The following FBXO7 variants were observed in gnomAD, a reference collection of about 807,000 sequenced individuals.
FBXO7 encodes F-box protein 7, also known as F-box only protein 7.
A neutral mutation model predicts 50.2 loss-of-function variants in FBXO7; 31 were observed. That is an observed-to-expected ratio of 0.62 (90% CI 0.46 to 0.83). The LOEUF is 0.83. Among genes scored for constraint, FBXO7 ranks in the 40% least tolerant of loss-of-function variants. The pLI is 0.00. For missense variants in FBXO7, 667 were observed against 646.6 expected (o/e 1.03, Z -0.34); for synonymous variants, 256 against 253.1 (o/e 1.01, Z -0.11).
At chr22:32,492,783 A>G in intron 6 of FBXO7, 1 of 313,550 alleles carries the variant, frequency 3.2e-6, no homozygotes, top group Admixed American at 4.7e-5. Flanking sequence ...ATTTTGTTGT[A>G]TTGAATAATG....
At position 32,498,308 on chromosome 22, in the gene FBXO7, C is replaced by T. The variant is rs1330678628; in HGVS notation, c.1347C>T (p.Asp449=). The T allele has an allele frequency of 3.1e-6, 5 of 1,614,036 alleles. No individual in the cohort carries two copies. The highest frequency in any genetic ancestry group is 1.1e-5 in the South Asian group (1 of 91,082). The stretch of plus-strand genomic sequence containing the variant: ...CAGGAATTATCGGGGGTGAATATGA[C>T]CAAAGACCAACACTTCCCTATGTTG... ...LPPGIIGGEY[D]QRPTLPYVGD... The change falls in exon 9 of 9, where the codon GAC becomes GAT. Residue 449 remains aspartate (D), a synonymous_variant. Transcript: ENST00000266087.
At chr22:32,479,521 C>G (rs751714383) in intron 2 of FBXO7, among the ~76,000 whole-genome samples, 1 of 151,730 alleles carries the variant, frequency 6.6e-6, no homozygotes, top group Admixed American at 6.6e-5. Flanking sequence ...CTCAGCCTCC[C>G]GAGTAGCTGG....
intron 4 of FBXO7, chr22:32,487,522 T>A (rs2057505841): frequency 2.2e-6 from 1 of 463,174 alleles, no homozygotes; most frequent in African/African-American, 2.0e-5. Context: ...AGATGCTTAC[T>A]GTAGTTTTTA....
Position 32,498,232 on chromosome 22 carries a change from T to A in FBXO7, c.1271T>A (p.Phe424Tyr), listed in dbSNP as rs557230326. The A allele has an allele frequency of 1.6e-4, 258 of 1,614,202 alleles. 2 individuals carry two copies. The Admixed American group carries it at 4.3e-3, about 27-fold the overall frequency. ...CCATCGTCAACTCACACCATTCCAT[T>A]CTATCCCAACCCCTTGCACCCTAGG... ...LLPSSTHTIP[F>Y]YPNPLHPRPF... Residue 424 changes from phenylalanine (F) to tyrosine (Y), a missense_variant, in exon 9 of 9, where the codon TTC becomes TAC. By Grantham distance (22) the Phe-to-Tyr change is conservative (BLOSUM62 3). Coordinates refer to ENST00000266087, the MANE Select transcript of FBXO7 (RefSeq NM_012179.4).
Position 32,491,178 on chromosome 22 carries a change from C to G in FBXO7, c.964C>G (p.Gln322Glu). 1 of 1,590,216 alleles carries G rather than the reference C, an allele frequency of 6.3e-7. No individual in the cohort carries two copies. The highest frequency in any genetic ancestry group is 8.6e-7 in the Non-Finnish European group (1 of 1,158,610). The change falls in exon 6 of 9, where the codon CAA becomes GAA. Residue 322 changes from glutamine (Q) to glutamate (E), a missense_variant. Transcript: ENST00000266087. ...GTATCCTCTTCTGGCTTTTACCCGA[C>G]AAGGTAAGAGATGAAATACTGTCAC... The part of the protein sequence containing the change: ...LVYPLLAFTR[Q>E]ALNLPDVFGL...
Position 32,498,320 on chromosome 22 carries a change from A to C in FBXO7, c.1359A>C (p.Thr453=). The part of the protein sequence containing the change: ...IIGGEYDQRP[T]LPYVGDPISS... ...GGGGTGAATATGACCAAAGACCAAC[A>C]CTTCCCTATGTTGGAGACCCAATCA... is the stretch of plus-strand genomic sequence containing the variant. Residue 453 remains threonine (T), a synonymous_variant, in exon 9 of 9, where the codon ACA becomes ACC. Coordinates refer to ENST00000266087, the MANE Select transcript of FBXO7 (RefSeq NM_012179.4). The C allele has an allele frequency of 6.2e-7, 1 of 1,613,996 alleles. No individual in the cohort carries two copies. Among genetic ancestry groups the C allele is most frequent in the Non-Finnish European group, 8.5e-7 (1 of 1,180,000 alleles).
chr22:32,485,083 G>T lies in FBXO7; in HGVS notation c.661G>T (p.Ala221Ser). 1 of 1,614,150 alleles carries T rather than the reference G, an allele frequency of 6.2e-7. No individual in the cohort carries two copies. The highest frequency in any genetic ancestry group is 8.5e-7 in the Non-Finnish European group (1 of 1,180,024). The change falls in exon 4 of 9, where the codon GCA (alanine) becomes TCA (serine). Residue 221 changes from alanine to serine, a missense_variant. Coordinates refer to ENST00000266087, the MANE Select transcript of FBXO7 (RefSeq NM_012179.4). ...CGTTCCCCAGGGCACCGAAGCCAAA[G>T]CACTGTCCATGCCGGAGAAGTGGAA... The part of the protein sequence containing the change: ...GYIPQGTEAK[A>S]LSMPEKWKLS...
At chr22:32,480,093 T>C (rs948567632) in intron 2 of FBXO7, among the ~76,000 whole-genome samples, 16 of 152,340 alleles carry the variant, frequency 1.1e-4, no homozygotes, top group African/African-American at 3.1e-4. Context: ...TTGTCAGTTC[T>C]TCTTTTCCAT....
chr22:32,479,921 G>C (rs189842941), intron 2 of FBXO7, among the ~76,000 whole-genome samples: 3 of 152,268 alleles, frequency 2.0e-5, no homozygotes, highest in Admixed American at 2.0e-4. Context: ...ATTATTTCCA[G>C]ATGACTTGCA....
At position 32,484,059 on chromosome 22, in the gene FBXO7, G is replaced by A. The variant is rs1016700343; in HGVS notation, c.580G>A (p.Asp194Asn). The part of the protein sequence containing the change: ...ETLYQSADCS[D>N]ANDALIVLIH... ...CTTGTATCAATCAGCTGACTGTTCT[G>A]ATGCCAATGATGCCTTGATAGTGTT... Residue 194 changes from aspartate to asparagine, a missense_variant, in exon 3 of 9, where the codon GAT becomes AAT. Physicochemically the swap from Asp to Asn is conservative, Grantham distance 23. Coordinates refer to ENST00000266087, the MANE Select transcript of FBXO7 (RefSeq NM_012179.4). 2.7e-5 allele frequency: 43 copies of A among 1,614,170 alleles called. No homozygotes were observed. Among genetic ancestry groups the A allele is most frequent in the Non-Finnish European group, 3.6e-5 (42 of 1,180,010 alleles).
At position 32,495,521 on chromosome 22, in the gene FBXO7, T is replaced by C; in HGVS notation, c.1173T>C (p.Asp391=). The C allele has an allele frequency of 6.4e-7, 1 of 1,565,372 alleles. No individual in the cohort carries two copies. The highest frequency in any genetic ancestry group is 8.8e-7 in the Non-Finnish European group (1 of 1,141,886). ...RDNTVRVQDT[D]WKELYRKRHI... ...ATACTGTCAGAGTTCAAGACACAGA[T>C]TGGAAAGAAGTAGGTATTTTTAAAT... The change falls in exon 8 of 9, where the codon GAT becomes GAC. Residue 391 remains aspartate (D), a synonymous_variant. Transcript: ENST00000266087.
intron 7 of FBXO7, among the ~76,000 whole-genome samples, chr22:32,494,954 A>G (rs958126350): frequency 2.6e-5 from 4 of 152,252 alleles, no homozygotes; most frequent in African/African-American, 9.6e-5. Context: ...AAATAAGTAC[A>G]TTAAAAAATA....
chr22:32,495,599 G>A (rs949852387), intron 8 of FBXO7, 69 bp downstream of exon 8: 1 of 806,286 alleles, frequency 1.2e-6, no homozygotes. Context: ...ATATATTAAG[G>A]GTATATTTTC....
rs1397855314 is a variant in FBXO7, at chr22:32,475,128, C to G, written c.122+4C>G. On this transcript the variant is annotated splice_donor_region_variant and intron_variant, in intron 1 of 8. Coordinates refer to ENST00000266087, the MANE Select transcript of FBXO7 (RefSeq NM_012179.4). ...TGCTGTGCACCTGGGGGTACAGGTA[C>G]GCTGGGGCCGGGGCTGGGCGGCCCG... The G allele has an allele frequency of 2.0e-6, 3 of 1,537,090 alleles. No individual in the cohort carries two copies. Among genetic ancestry groups the G allele is most frequent in the Admixed American group, 2.0e-5 (1 of 50,558 alleles).
chr22:32,496,104 CTT>C (rs939296902), intron 8 of FBXO7, among the ~76,000 whole-genome samples: 2 of 152,204 alleles, frequency 1.3e-5, no homozygotes, highest in African/African-American at 4.8e-5. Context: ...CAGGCTGACT[CTT>C]TTGTTAGGGG....
rs1162769291 is a variant in FBXO7, at chr22:32,474,982, C to T, written c.-21C>T. 2.6e-6 allele frequency: 4 copies of T among 1,530,324 alleles called. No homozygotes were observed. In the Admixed American group the frequency reaches 5.9e-5, roughly 23 times the overall value. 94.8% of individuals were successfully genotyped at this position (1,530,324 alleles called of 1,614,324 possible). On this transcript the variant is annotated 5_prime_UTR_variant, in exon 1 of 9. Transcript: ENST00000266087. ...CGTCGCCGCTTCCGGGTCCAGGCCC[C>T]TCGGGCCGCCTGCCGCCGTCATGAG...
intron 4 of FBXO7, 91 bp from the exon 5 acceptor site, chr22:32,487,654 A>G: frequency 1.3e-6 from 1 of 780,982 alleles, no homozygotes; most frequent in Non-Finnish European, 2.2e-6. Context: ...TTAGTATATT[A>G]GGAGCTAGGA....
intron 3 of FBXO7, among the ~76,000 whole-genome samples, chr22:32,484,576 G>A (rs750087510): frequency 1.5e-4 from 23 of 152,088 alleles, no homozygotes; most frequent in Non-Finnish European, 2.8e-4. Context: ...TCTTCAAGGA[G>A]TCCATACATA....
chr22:32,495,038 T>C (rs748077074), intron 7 of FBXO7, among the ~76,000 whole-genome samples: 2 of 152,250 alleles, frequency 1.3e-5, no homozygotes, highest in African/African-American at 4.8e-5. Context: ...AACCAGAATA[T>C]GGATGAAAGC....
Sources: allele counts gnomAD v4.1 joint callset (sites outside exome capture counted in the v4.1 genomes callset), GRCh38; gene constraint gnomAD v4.1.1; transcripts MANE v1.5; gene names NCBI Gene and HGNC (gene_info 2026-07-23, HGNC 2026-07-21).